CELA3A: variants seen among roughly 807,000 people sequenced by gnomAD.
The protein encoded by CELA3A is chymotrypsin-like elastase family member 3A.
In CELA3A, 35 loss-of-function variants were observed where a neutral mutation model predicts 38.6. The observed-to-expected ratio is 0.91, with a 90% CI of 0.69 to 1.20. The LOEUF (loss-of-function observed/expected upper bound fraction) is 1.20, where lower values mean the gene tolerates loss of function less well. Ranked by LOEUF, CELA3A falls within the 50% of genes most tolerant of loss-of-function variation. The pLI, the probability that CELA3A is intolerant of heterozygous loss-of-function variation, is 0.00. For synonymous variants in CELA3A, 143 were observed against 136.7 expected (o/e 1.05, Z -0.32); for missense variants, 343 against 354.2 (o/e 0.97, Z 0.25).
At chr1:22,008,774 A>G (rs1182575119) in intron 6 of CELA3A, among the ~76,000 whole-genome samples, 1 of 151,752 alleles carries the variant, frequency 6.6e-6, no homozygotes, top group African/African-American at 2.4e-5. Flanking sequence ...AAAAAAAAAT[A>G]CTATCAAATA....
chr1:22,007,561 C>T (rs372919619), intron 6 of CELA3A, 46 bp downstream of exon 6: 1 of 1,574,280 alleles, frequency 6.4e-7, no homozygotes, highest in Non-Finnish European at 8.6e-7. Flanking sequence ...GTGTGCAGGA[C>T]CTTGGAATGG....
chr1:22,010,075 G>A (rs1644974350), intron 7 of CELA3A: 5 of 636,690 alleles, frequency 7.9e-6, no homozygotes. Flanking sequence ...AACTACAGCT[G>A]AACTTCCTTA....
intron 6 of CELA3A, among the ~76,000 whole-genome samples, chr1:22,007,900 C>T (rs1644960740): frequency 6.6e-6 from 1 of 151,008 alleles, no homozygotes; most frequent in South Asian, 2.1e-4. Flanking sequence ...GCCTATAATC[C>T]AAGTGCTTTG....
Position 22,007,378 on chromosome 1 carries a change from G to C in CELA3A, c.505G>C (p.Gly169Arg). ...ITGWGRLYTN[G>R]PLPDKLQQAR... is the part of the protein sequence containing the mutation. ...GGTGCTTTTTATCCTTGCAGCCAATGGGCCACTCCCAGACAAGCTGCAGCA... is the reference window on the plus strand; with the variant it reads ...GGTGCTTTTTATCCTTGCAGCCAATCGGCCACTCCCAGACAAGCTGCAGCA... Residue 169 changes from glycine (G) to arginine (R), a missense_variant, in exon 6 of 8, where the codon GGG becomes CGG. Transcript: ENST00000290122. 2 of 1,610,070 alleles carry C rather than the reference G, an allele frequency of 1.2e-6. No individual in the cohort carries two copies. Among genetic ancestry groups the C allele is most frequent in the South Asian group, 1.1e-5 (1 of 90,756 alleles).
chr1:22,011,358 G>T (rs1644982836), intron 7 of CELA3A, among the ~76,000 whole-genome samples: 1 of 146,558 alleles, frequency 6.8e-6, no homozygotes, highest in Non-Finnish European at 1.5e-5. Flanking sequence ...TCCAGCCTGG[G>T]TGACAGAGCA....
rs1644945621 is a variant in CELA3A, at chr1:22,005,685, T to C, written c.251T>C (p.Val84Ala). 1 of 1,612,336 alleles carries C rather than the reference T, an allele frequency of 6.2e-7. No individual in the cohort carries two copies. The highest frequency in any genetic ancestry group is 2.2e-5 in the East Asian group (1 of 44,702). The part of the protein sequence containing the change: ...CISRDLTYQV[V>A]LGEYNLAVKE... ...AGGAGGGATCTGACCTACCAGGTGG[T>C]GTTGGGTGAGTACAACCTTGCTGTG... The change falls in exon 4 of 8, where the codon GTG becomes GCG. Residue 84 changes from valine (V) to alanine (A), a missense_variant. Physicochemically the swap from Val to Ala is moderately conservative, Grantham distance 64. Coordinates refer to ENST00000290122, the MANE Select transcript of CELA3A (RefSeq NM_005747.5).
chr1:22,003,809 A>T (rs868452997), intron 2 of CELA3A, among the ~76,000 whole-genome samples: 1 of 150,900 alleles, frequency 6.6e-6, no homozygotes, highest in African/African-American at 2.5e-5. Context: ...GGGTTCAAGC[A>T]ATTCTCCTAC....
chr1:22,008,463 A>C (rs1323250779), intron 6 of CELA3A, among the ~76,000 whole-genome samples: 1 of 142,162 alleles, frequency 7.0e-6, no homozygotes, highest in Non-Finnish European at 1.6e-5. Context: ...ACCTTGTCTA[A>C]GAAAAAAAAA....
intron 7 of CELA3A, 130 bp from the exon 8 acceptor site, chr1:22,012,320 C>A: frequency 7.8e-7 from 1 of 1,285,912 alleles, no homozygotes; most frequent in Admixed American, 2.6e-5. Flanking sequence ...GAGGAGGAAA[C>A]TGAGGCTCAG....
intron 4 of CELA3A, 134 bp from the exon 5 acceptor site, chr1:22,006,741 AATG>A (rs1184420362): frequency 0.013 from 7,701 of 599,526 alleles, 297 homozygotes; most frequent in Non-Finnish European, 0.018. Context: ...TAATAATAAT[AATG>A]ATGATGAAAG....
At chr1:22,008,704 AG>A (rs1426473330) in intron 6 of CELA3A, among the ~76,000 whole-genome samples, 5 of 150,242 alleles carry the variant, frequency 3.3e-5, no homozygotes, top group Non-Finnish European at 7.4e-5. Flanking sequence ...GCTTGCCGTG[AG>A]CCGAGATCGC....
At chr1:22,004,977 T>C (rs866380638) in intron 2 of CELA3A, among the ~76,000 whole-genome samples, 1 of 150,528 alleles carries the variant, frequency 6.6e-6, no homozygotes, top group African/African-American at 2.5e-5. Context: ...CAGGTGCCTG[T>C]AATCCCGGTT....
chr1:22,008,652 G>A (rs1221632549), intron 6 of CELA3A, among the ~76,000 whole-genome samples: 1 of 150,478 alleles, frequency 6.6e-6, no homozygotes, highest in Non-Finnish European at 1.5e-5. Flanking sequence ...CCAGCTACTC[G>A]GGAGGCTGAG....
rs1054696595 is a variant in CELA3A at position 22,001,734 on chromosome 1, T to C, written c.43+17T>C. On this transcript the variant is annotated intron_variant, in intron 1 of 7. Transcript: ENST00000290122. ...TGGCCGTTGGTAAGACCCCAACCTGTCTGTGTGCTCCCTGGGCTGCCCTGG... is the reference window on the plus strand; with the variant it reads ...TGGCCGTTGGTAAGACCCCAACCTGCCTGTGTGCTCCCTGGGCTGCCCTGG... 2 of 1,611,806 alleles carry C rather than the reference T, an allele frequency of 1.2e-6. No homozygotes were observed. The highest frequency in any genetic ancestry group is 1.7e-6 in the Non-Finnish European group (2 of 1,179,140).
intron 4 of CELA3A, 68 bp from the exon 5 acceptor site, chr1:22,006,810 C>T: frequency 1.9e-6 from 3 of 1,575,922 alleles, no homozygotes. Flanking sequence ...TAGCCTGGAG[C>T]AACGGCTAGA....
At position 22,003,269 on chromosome 1, in the gene CELA3A, C is replaced by T. The variant is rs1176911757; in HGVS notation, c.129+181C>T. Among the ~76,000 whole-genome samples, 3 of 151,134 alleles carry T rather than the reference C, an allele frequency of 2.0e-5. 1 individual carries two copies. The highest frequency in any genetic ancestry group is 7.4e-5 in the African/African-American group (3 of 40,694). Reference sequence around the variant, plus strand: ...GGTTTTGCCCGTTTCATCTGTAACCCTCACTGGGCTATTTGCAACTTAAAA... The same window carrying T: ...GGTTTTGCCCGTTTCATCTGTAACCTTCACTGGGCTATTTGCAACTTAAAA... On this transcript the variant is annotated intron_variant, in intron 2 of 7. Coordinates refer to ENST00000290122, the MANE Select transcript of CELA3A (RefSeq NM_005747.5).
intron 6 of CELA3A, among the ~76,000 whole-genome samples, chr1:22,007,910 G>C (rs1644960773): frequency 6.6e-6 from 1 of 150,994 alleles, no homozygotes; most frequent in South Asian, 2.1e-4. Context: ...CAAGTGCTTT[G>C]GGAGGCTGAG....
rs561929272 is a variant in CELA3A, at chr1:22,006,388, G to A, written c.363-490G>A. ...AAATCTTAACAAATATTAGCCAGGC[G>A]TGGTGGCATGAGCCTGTAATCCCAG... On this transcript the variant is annotated intron_variant, in intron 4 of 7. Coordinates refer to ENST00000290122, the MANE Select transcript of CELA3A (RefSeq NM_005747.5). Among the ~76,000 whole-genome samples, 13 of 151,304 alleles carry A rather than the reference G, an allele frequency of 8.6e-5. No individual in the cohort carries two copies. The South Asian group carries it at 1.0e-3, about 12-fold the overall frequency.
rs982078806 is a variant in CELA3A, at chr1:22,008,453, A to T, written c.642+938A>T. Among the ~76,000 whole-genome samples, 28 of 147,002 alleles carry T rather than the reference A, an allele frequency of 1.9e-4. 1 individual carries two copies. The highest frequency in any genetic ancestry group is 6.0e-5 in the Non-Finnish European group (4 of 66,458). ...GATGTGAGCCACTTTCCTGGCCAAG[A>T]CCTTGTCTAAGAAAAAAAAACAAAG... On this transcript the variant is annotated intron_variant, in intron 6 of 7. Transcript: ENST00000290122.
Sources: allele counts gnomAD v4.1 joint callset (sites outside exome capture counted in the v4.1 genomes callset), GRCh38; gene constraint gnomAD v4.1.1; transcripts MANE v1.5; gene names NCBI Gene and HGNC (gene_info 2026-07-23, HGNC 2026-07-21).